BCL2L13: variants seen among roughly 807,000 people sequenced by gnomAD.
BCL2L13 encodes the protein bcl-2-like protein 13.
BCL2L13 carries 13 observed loss-of-function variants against 25.8 expected under a neutral mutation model. The ratio of observed to expected loss-of-function variants is 0.50; its 90% CI spans 0.33 to 0.80. BCL2L13 has a LOEUF of 0.80. Among genes scored for constraint, BCL2L13 ranks in the 30% least tolerant of loss-of-function variants. The probability of loss-of-function intolerance (pLI) is 0.02; values close to 1 mark genes in which losing one functional copy is unlikely to be tolerated. For missense variants in BCL2L13, 504 were observed against 574.9 expected (o/e 0.88, Z 1.26); for synonymous variants, 244 against 230.3 (o/e 1.06, Z -0.54).
intron 6 of BCL2L13, chr22:17,706,732 C>T (rs2060602611): frequency 1.5e-6 from 2 of 1,350,360 alleles, no homozygotes; most frequent in East Asian, 4.5e-5. Context: ...CATCCTTGCT[C>T]CCTCCCTCCT....
At chr22:17,675,397 TA>T (rs1416339743) in intron 2 of BCL2L13, among the ~76,000 whole-genome samples, 12 of 152,162 alleles carry the variant, frequency 7.9e-5, no homozygotes, top group African/African-American at 2.9e-4. Flanking sequence ...GCAAGAAGTC[TA>T]AAACGTGTAG....
intron 1 of BCL2L13, among the ~76,000 whole-genome samples, chr22:17,631,137 C>T (rs573579099): frequency 9.9e-5 from 15 of 151,042 alleles, no homozygotes; most frequent in Admixed American, 9.3e-4. Flanking sequence ...AAGAGTGTCG[C>T]TCATGCTGGA....
chr22:17,652,909 C>G (rs1177160475), intron 1 of BCL2L13, among the ~76,000 whole-genome samples: 2 of 151,444 alleles, frequency 1.3e-5, no homozygotes, highest in Non-Finnish European at 2.9e-5. Context: ...CTAAAAAATA[C>G]AAAAAATTAG....
At chr22:17,689,719 T>C (rs1433560478) in intron 4 of BCL2L13, among the ~76,000 whole-genome samples, 5 of 151,820 alleles carry the variant, frequency 3.3e-5, no homozygotes, top group African/African-American at 1.2e-4. Context: ...GGCGCATGCC[T>C]CTAGTCCCAG....
chr22:17,637,477 C>T (rs373891149), upstream of BCL2L13, among the ~76,000 whole-genome samples: 5 of 150,526 alleles, frequency 3.3e-5, no homozygotes, highest in South Asian at 2.1e-4. Flanking sequence ...CAGGCTCAAG[C>T]GATTCTCCTG....
chr22:17,652,371 CATT>C (rs1019720520), intron 1 of BCL2L13, among the ~76,000 whole-genome samples: 4 of 152,130 alleles, frequency 2.6e-5, no homozygotes, highest in Admixed American at 6.6e-5. Context: ...GCTTAAAACA[CATT>C]AGCCTGCAGT....
At chr22:17,680,370 A>C (rs9605381) in intron 2 of BCL2L13, among the ~76,000 whole-genome samples, 128,215 of 150,494 alleles carry the variant, frequency 0.85, 54,712 homozygotes, top group East Asian at 0.94. Flanking sequence ...ATTAGCGGGG[A>C]ATGGTGTCGG....
intron 5 of BCL2L13, among the ~76,000 whole-genome samples, chr22:17,697,089 T>A (rs1053645023): frequency 1.6e-4 from 25 of 152,132 alleles, no homozygotes; most frequent in African/African-American, 6.0e-4. Flanking sequence ...TTGTTTCAGA[T>A]TTTAGCTTTG....
intron 2 of BCL2L13, among the ~76,000 whole-genome samples, chr22:17,669,425 G>A (rs1601592844): frequency 6.6e-6 from 1 of 152,188 alleles, no homozygotes; most frequent in African/African-American, 2.4e-5. Context: ...GTGAAAAGGG[G>A]AAGCTCATGT....
At chr22:17,630,870 C>T (rs559398683) in intron 1 of BCL2L13, among the ~76,000 whole-genome samples, 2 of 151,862 alleles carry the variant, frequency 1.3e-5, no homozygotes, top group South Asian at 2.1e-4. Context: ...GGATTACAGA[C>T]GTGAGCCACC....
chr22:17,657,139 C>T lies in BCL2L13; in HGVS notation c.121+1307C>T, dbSNP rs1276863403. The stretch of plus-strand genomic sequence containing the variant: ...GCTTGGCTGCTTTTTAGAGATTCTC[C>T]GTCTTTGGTGGTGTTTCAAACTTAA... On this transcript the variant is annotated intron_variant, in intron 2 of 6. Coordinates refer to ENST00000317582, the MANE Select transcript of BCL2L13 (RefSeq NM_015367.4). Among the ~76,000 whole-genome samples, 6 of 152,038 alleles carry T rather than the reference C, an allele frequency of 3.9e-5. No homozygotes were observed. The East Asian group carries it at 5.8e-4, about 15-fold the overall frequency.
At chr22:17,676,670 G>A (rs1258229912) in intron 2 of BCL2L13, among the ~76,000 whole-genome samples, 1 of 152,146 alleles carries the variant, frequency 6.6e-6, no homozygotes, top group Non-Finnish European at 1.5e-5. Flanking sequence ...ACTTAATAAT[G>A]TCATGATGTA....
At chr22:17,706,716 C>T (rs2060602190) in intron 6 of BCL2L13, 2 of 1,351,582 alleles carry the variant, frequency 1.5e-6, no homozygotes, top group Admixed American at 3.8e-5. Flanking sequence ...GTGATTCTCC[C>T]TGAGTCATCC....
chr22:17,681,747 A>G (rs541461644), intron 2 of BCL2L13, among the ~76,000 whole-genome samples: 1 of 152,142 alleles, frequency 6.6e-6, no homozygotes, highest in Non-Finnish European at 1.5e-5. Context: ...AATATAGTCC[A>G]TGCTTGCAAG....
chr22:17,721,446 C>T (rs1601794786), intron 6 of BCL2L13, among the ~76,000 whole-genome samples: 2 of 149,302 alleles, frequency 1.3e-5, no homozygotes, highest in Admixed American at 6.7e-5. Flanking sequence ...TGGGAGAGGG[C>T]TTCAGCGTGG....
intron 2 of BCL2L13, among the ~76,000 whole-genome samples, chr22:17,679,213 G>A (rs1978967): frequency 0.16 from 24,617 of 150,598 alleles, 2,541 homozygotes; most frequent in African/African-American, 0.28. Context: ...TGTGAATCTG[G>A]CCCATGTCCT....
intron 2 of BCL2L13, among the ~76,000 whole-genome samples, chr22:17,670,275 A>G (rs2059374295): frequency 6.6e-6 from 1 of 150,480 alleles, no homozygotes. Context: ...TAATTTTAGG[A>G]TTGGCTTGTC....
intron 2 of BCL2L13, among the ~76,000 whole-genome samples, chr22:17,666,676 TTC>T (rs1405659595): frequency 3.2e-5 from 4 of 125,924 alleles, no homozygotes; most frequent in Non-Finnish European, 6.8e-5. Context: ...CAGGACCTCA[TTC>T]TTTTTTTTTT....
rs146263485 is a variant in BCL2L13, at chr22:17,707,134, G to A, written c.600+4748G>A. Among the ~76,000 whole-genome samples, 1,201 of 152,068 alleles carry A rather than the reference G, an allele frequency of 7.9e-3. 23 individuals are homozygous for A. Among genetic ancestry groups the A allele is most frequent in the African/African-American group, 0.027 (1,120 of 41,448 alleles). On this transcript the variant is annotated intron_variant, in intron 6 of 6. Coordinates refer to ENST00000317582, the MANE Select transcript of BCL2L13 (RefSeq NM_015367.4). ...ACAGGGATGATCTGAAATTAATGAA[G>A]TGGGTTGCAGCTAAAATCAATTTAG... is the stretch of plus-strand genomic sequence containing the variant.
Sources: allele counts gnomAD v4.1 joint callset (sites outside exome capture counted in the v4.1 genomes callset), GRCh38; gene constraint gnomAD v4.1.1; transcripts MANE v1.5; gene names NCBI Gene and HGNC (gene_info 2026-07-23, HGNC 2026-07-21).